The following NEGR1 variants were observed in gnomAD, a reference collection of about 807,000 sequenced individuals.
NEGR1 encodes the protein IgLON family member 4.
NEGR1 carries 10 observed loss-of-function variants against 40.9 expected under a neutral mutation model. That is an observed-to-expected ratio of 0.24 (90% confidence interval 0.15 to 0.42). The LOEUF (loss-of-function observed/expected upper bound fraction) is 0.42, where lower values mean the gene tolerates loss of function less well. Among genes scored for constraint, NEGR1 ranks in the 10% least tolerant of loss-of-function variants. NEGR1 has a pLI of 1.00. For synonymous variants in NEGR1, 185 were observed against 166.8 expected, an observed-to-expected ratio of 1.11 and a Z score of -0.84; for missense variants, 352 against 438.9, an observed-to-expected ratio of 0.80 and a Z score of 1.77.
At chr1:71,438,464 A>ATT (rs1646524879) in intron 6 of NEGR1, among the ~76,000 whole-genome samples, 1 of 152,200 alleles carries the variant, frequency 6.6e-6, no homozygotes, top group Admixed American at 6.5e-5. Flanking sequence ...CTAAACAAAC[A>ATT]TAATTGCCTT....
chr1:71,899,768 C>T (rs1661095541), intron 2 of NEGR1, among the ~76,000 whole-genome samples: 1 of 152,126 alleles, frequency 6.6e-6, no homozygotes, highest in African/African-American at 2.4e-5. Flanking sequence ...CTTCTCATGG[C>T]AGGCTTATTT....
At position 71,851,810 on chromosome 1, in the gene NEGR1, ACT is replaced by A. The variant is rs200081992; in HGVS notation, c.410-75515_410-75514del. Among the ~76,000 whole-genome samples the A allele has an allele frequency of 5.3e-3, 809 of 152,148 alleles. 6 individuals are homozygous for A. The highest frequency in any genetic ancestry group is 0.019 in the African/African-American group (777 of 41,530). ...GTAAACAGTTTTATTAAGATAGCAGACTCTATATTTAAACCGTGGATTTATAC... is the reference window on the plus strand; with the variant it reads ...GTAAACAGTTTTATTAAGATAGCAGACTATATTTAAACCGTGGATTTATAC... On this transcript the variant is annotated intron_variant, in intron 2 of 6. Coordinates refer to ENST00000357731, the MANE Select transcript of NEGR1 (RefSeq NM_173808.3).
intron 2 of NEGR1, among the ~76,000 whole-genome samples, chr1:71,927,623 A>G (rs1444321495): frequency 4.0e-5 from 6 of 151,758 alleles, no homozygotes; most frequent in Admixed American, 3.9e-4. Context: ...GACCTCAATA[A>G]TACTGCTTCA....
chr1:71,794,006 T>C (rs1482453524), intron 2 of NEGR1, among the ~76,000 whole-genome samples: 1 of 152,162 alleles, frequency 6.6e-6, no homozygotes, highest in Non-Finnish European at 1.5e-5. Context: ...CCAGTTTTTC[T>C]ATTTCACATT....
intron 1 of NEGR1, among the ~76,000 whole-genome samples, chr1:71,996,557 A>G (rs1408914938): frequency 6.6e-6 from 1 of 152,052 alleles, no homozygotes; most frequent in Non-Finnish European, 1.5e-5. Flanking sequence ...TCACCATCTC[A>G]AAACTATTTC....
intron 1 of NEGR1, among the ~76,000 whole-genome samples, chr1:72,257,684 T>G (rs1655320174): frequency 6.6e-6 from 1 of 152,190 alleles, no homozygotes; most frequent in Non-Finnish European, 1.5e-5. Context: ...TATTCACTGC[T>G]TTGGCGGTAC....
chr1:72,186,478 CA>C (rs932572974), intron 1 of NEGR1, among the ~76,000 whole-genome samples: 2 of 151,438 alleles, frequency 1.3e-5, no homozygotes, highest in African/African-American at 4.8e-5. Context: ...GGGGCAGCCC[CA>C]GGAGAAAAGA....
chr1:71,954,474 A>C (rs992163484), intron 1 of NEGR1, among the ~76,000 whole-genome samples: 62 of 152,098 alleles, frequency 4.1e-4, no homozygotes, highest in Non-Finnish European at 6.3e-4. Context: ...TATATATACT[A>C]TGGAATTTAA....
At chr1:72,110,010 T>C (rs572046114) in intron 1 of NEGR1, among the ~76,000 whole-genome samples, 20 of 151,696 alleles carry the variant, frequency 1.3e-4, no homozygotes, top group African/African-American at 4.3e-4. Context: ...TTTATCCTGA[T>C]AGGAAAGCAA....
rs147324113 is a variant in NEGR1 at position 72,062,416 on chromosome 1, A to G, written c.177-127105T>C. 2.6e-3 allele frequency among the ~76,000 whole-genome samples: 390 copies of G among 152,044 alleles called. 5 individuals are homozygous for G. Among genetic ancestry groups the G allele is most frequent in the African/African-American group, 9.0e-3 (372 of 41,532 alleles). On this transcript the variant is annotated intron_variant, in intron 1 of 6. Coordinates refer to ENST00000357731, the MANE Select transcript of NEGR1 (RefSeq NM_173808.3). ...ATATTAGCAATATTCCTTAGGTGCT[A>G]TATCTTGTACTACATGCATTTATAT...
chr1:72,201,111 C>T (rs1228696457), intron 1 of NEGR1, among the ~76,000 whole-genome samples: 2 of 151,626 alleles, frequency 1.3e-5, no homozygotes, highest in African/African-American at 4.8e-5. Context: ...ATTTCTAATG[C>T]CTTCATTTTA....
intron 6 of NEGR1, among the ~76,000 whole-genome samples, chr1:71,566,348 T>C (rs1648619264): frequency 6.6e-6 from 1 of 152,102 alleles, no homozygotes; most frequent in Non-Finnish European, 1.5e-5. Flanking sequence ...GTATTTTCCG[T>C]ATTTCGTATA....
At chr1:71,562,963 C>T (rs1035447904) in intron 6 of NEGR1, among the ~76,000 whole-genome samples, 1 of 151,906 alleles carries the variant, frequency 6.6e-6, no homozygotes, top group Non-Finnish European at 1.5e-5. Context: ...ATGTGGTGCA[C>T]ATCACTTCTG....
intron 2 of NEGR1, among the ~76,000 whole-genome samples, chr1:71,903,894 T>C (rs746017331): frequency 3.3e-5 from 5 of 151,896 alleles, no homozygotes; most frequent in Non-Finnish European, 4.4e-5. Context: ...ATAAATGCTA[T>C]TACTTGACTT....
intron 1 of NEGR1, among the ~76,000 whole-genome samples, chr1:72,121,977 A>T (rs1390627151): frequency 6.6e-6 from 1 of 152,050 alleles, no homozygotes; most frequent in African/African-American, 2.4e-5. Context: ...TATTTTATGT[A>T]AATACTGTTT....
chr1:71,430,554 A>G (rs1184056355), intron 6 of NEGR1, among the ~76,000 whole-genome samples: 2 of 152,042 alleles, frequency 1.3e-5, no homozygotes, highest in Non-Finnish European at 2.9e-5. Context: ...CTTACAGCAT[A>G]GAGTTGGCTA....
At chr1:71,925,022 C>T (rs1232540673) in intron 2 of NEGR1, among the ~76,000 whole-genome samples, 1 of 151,816 alleles carries the variant, frequency 6.6e-6, no homozygotes, top group African/African-American at 2.4e-5. Context: ...TTTATAAAAA[C>T]AATAAAACTC....
chr1:72,164,830 G>A (rs1349392015), intron 1 of NEGR1, among the ~76,000 whole-genome samples: 4 of 151,902 alleles, frequency 2.6e-5, no homozygotes, highest in East Asian at 1.9e-4. Flanking sequence ...AGATTAATGG[G>A]TATAACTCTG....
chr1:71,424,700 G>A (rs1646418602), intron 6 of NEGR1, among the ~76,000 whole-genome samples: 1 of 152,114 alleles, frequency 6.6e-6, no homozygotes, highest in Non-Finnish European at 1.5e-5. Flanking sequence ...TCAAAACTGA[G>A]GGGCCCCCAT....
Sources: allele counts gnomAD v4.1 joint callset (sites outside exome capture counted in the v4.1 genomes callset), GRCh38; gene constraint gnomAD v4.1.1; transcripts MANE v1.5; gene names NCBI Gene and HGNC (gene_info 2026-07-23, HGNC 2026-07-21).